The following COL11A1 variants were observed in gnomAD, a reference collection of about 807,000 sequenced individuals.
The protein encoded by COL11A1 is collagen alpha-1(XI) chain.
COL11A1 carries 74 observed loss-of-function variants against 265.2 expected under a neutral mutation model. That is an observed-to-expected ratio of 0.28 (90% CI 0.23 to 0.34). The LOEUF (loss-of-function observed/expected upper bound fraction) is 0.34. Ranked by LOEUF, COL11A1 falls within the 10% of genes least tolerant of loss-of-function variation. COL11A1 has a pLI of 1.00. For missense variants in COL11A1, 2,165 were observed against 2,263.6 expected (o/e 0.96, Z 0.88); for synonymous variants, 816 against 727.6 (o/e 1.12, Z -1.96).
At position 102,974,872 on chromosome 1, in the gene COL11A1, T is replaced by C. The variant is rs139911745; in HGVS notation, c.2766A>G (p.Gly922=). The change falls in exon 36 of 67, where the codon GGA becomes GGG. Residue 922 remains glycine, a synonymous_variant. Coordinates refer to ENST00000370096, the MANE Select transcript of COL11A1 (RefSeq NM_001854.4). ...CAGGGAATCCAACTGGACCCTGAGG[T>C]CCTTGAGGACCCTGGAAATAAAAAG... ...PGPPGERGPQ[G]PQGPVGFPGP... The C allele has an allele frequency of 4.7e-4, 753 of 1,612,970 alleles. 5 individuals carry two copies. In the African/African-American group the frequency reaches 8.5e-3, roughly 18 times the overall value.
In COL11A1 at chr1:102,940,354, G is replaced by A. The variant is rs375400337; in HGVS notation, c.3357C>T (p.Ala1119=). 30 of 1,613,672 alleles carry A rather than the reference G, an allele frequency of 1.9e-5. No homozygotes were observed. The East Asian group carries it at 2.0e-4, about 11-fold the overall frequency. Reference sequence around the variant, plus strand: ...TGTCTCCGTCTTCCCCAGGGGAGCCGGCAGGACCAGCTGGCCCTGGGAGAC... The same window carrying A: ...TGTCTCCGTCTTCCCCAGGGGAGCCAGCAGGACCAGCTGGCCCTGGGAGAC... ...PVGLPGPAGP[A]GSPGEDGDKG... Residue 1119 remains alanine, a synonymous_variant, in exon 43 of 67, where the codon GCC becomes GCT. Coordinates refer to ENST00000370096, the MANE Select transcript of COL11A1 (RefSeq NM_001854.4).
intron 1 of COL11A1, 89 bp downstream of exon 1, chr1:103,107,984 G>T: frequency 5.7e-6 from 5 of 874,402 alleles, no homozygotes; most frequent in Admixed American, 1.9e-5. Flanking sequence ...TTCTTGAAGA[G>T]CGGGGAGGAA....
At chr1:103,076,704 A>G (rs12740738) in intron 3 of COL11A1, among the ~76,000 whole-genome samples, 72,326 of 151,956 alleles carry the variant, frequency 0.48, 20,257 homozygotes, top group East Asian at 0.91. Context: ...AAACTGTCCT[A>G]TCTAAAATAG....
At chr1:103,057,308 T>C (rs1321476204) in intron 4 of COL11A1, among the ~76,000 whole-genome samples, 1 of 152,198 alleles carries the variant, frequency 6.6e-6, no homozygotes, top group Non-Finnish European at 1.5e-5. Context: ...GTTCAAGTTT[T>C]ATCATGAGGT....
At chr1:102,942,741 T>C (rs1466538358) in intron 42 of COL11A1, among the ~76,000 whole-genome samples, 1 of 152,102 alleles carries the variant, frequency 6.6e-6, no homozygotes, top group Admixed American at 6.6e-5. Context: ...ATTCTCAGTT[T>C]ATTATTTCAT....
intron 4 of COL11A1, among the ~76,000 whole-genome samples, chr1:103,037,199 T>A (rs1342413082): frequency 6.6e-6 from 1 of 151,092 alleles, no homozygotes; most frequent in Non-Finnish European, 1.5e-5. Flanking sequence ...TTCTGTGCTA[T>A]GAATGTAATT....
intron 37 of COL11A1, among the ~76,000 whole-genome samples, chr1:102,969,350 CCCTA>C (rs953857738): frequency 6.6e-5 from 10 of 152,088 alleles, no homozygotes; most frequent in African/African-American, 2.4e-4. Context: ...TCAGGGTGCC[CCCTA>C]CCCTAACATG....
chr1:103,108,087 C>G lies in COL11A1; in HGVS notation c.92G>C (p.Arg31Thr), dbSNP rs1166096502. The G allele has an allele frequency of 6.2e-7, 1 of 1,613,762 alleles. No individual in the cohort carries two copies. Among genetic ancestry groups the G allele is most frequent in the African/African-American group, 1.3e-5 (1 of 74,904 alleles). Residue 31 changes from arginine (R) to threonine (T), a missense_variant, in exon 1 of 67, where the codon AGA (arginine) becomes ACA (threonine). Arg to Thr is a moderately conservative substitution (Grantham distance 71). Transcript: ENST00000370096. ...TTTTTTCTTACCTCCTCTGACCTCT[C>G]TAGCTTGGAAGAGGAAGGTCAATGC... Reference protein sequence around the residue: ...TLALTFLFQAREVRGAAPVDV... With the variant: ...TLALTFLFQATEVRGAAPVDV...
chr1:102,963,204 T>C (rs566459950), intron 38 of COL11A1, among the ~76,000 whole-genome samples: 10 of 152,228 alleles, frequency 6.6e-5, no homozygotes, highest in Middle Eastern at 3.4e-3. Context: ...CTTAGGGCCA[T>C]GAGAACCCAA....
intron 63 of COL11A1, 82 bp from the exon 64 acceptor site, chr1:102,883,393 A>G: frequency 1.1e-6 from 1 of 895,526 alleles, no homozygotes; most frequent in South Asian, 1.3e-5. Flanking sequence ...TTTGTTAGAA[A>G]GAGAAATAAG....
At position 103,014,504 on chromosome 1, in the gene COL11A1, G is replaced by A; in HGVS notation, c.1572+7C>T. ...TCTTGTGGGAATGCAAGTTTATCCT[G>A]TCTTACCCGAGCCTGCTGAAGAATA... On this transcript the variant is annotated splice_region_variant and intron_variant, in intron 13 of 66. Coordinates refer to ENST00000370096, the MANE Select transcript of COL11A1 (RefSeq NM_001854.4). The A allele has an allele frequency of 1.2e-6, 2 of 1,613,088 alleles. No individual in the cohort carries two copies. Among genetic ancestry groups the A allele is most frequent in the Non-Finnish European group, 1.7e-6 (2 of 1,179,214 alleles).
At chr1:103,022,102 C>T (rs554953163) in intron 8 of COL11A1, among the ~76,000 whole-genome samples, 3 of 151,622 alleles carry the variant, frequency 2.0e-5, no homozygotes, top group South Asian at 2.1e-4. Flanking sequence ...GTAATCCGCC[C>T]GCCTCTGCCT....
chr1:103,000,009 T>C (rs1055763275), intron 24 of COL11A1, among the ~76,000 whole-genome samples: 1 of 151,858 alleles, frequency 6.6e-6, no homozygotes, highest in African/African-American at 2.4e-5. Flanking sequence ...GCAGAAGCAG[T>C]ATTACATAAA....
intron 4 of COL11A1, among the ~76,000 whole-genome samples, chr1:103,054,032 AG>A (rs1670037274): frequency 6.6e-6 from 1 of 152,130 alleles, no homozygotes; most frequent in South Asian, 2.1e-4. Flanking sequence ...GTATCCCCTG[AG>A]ATTTTCACAC....
Position 102,923,418 on chromosome 1 carries a change from A to G in COL11A1, c.3601-29T>C, listed in dbSNP as rs768472326. 21 of 1,545,538 alleles carry G rather than the reference A, an allele frequency of 1.4e-5. No homozygotes were observed. The South Asian group carries it at 2.4e-4, about 17-fold the overall frequency. ...AGAAAATATAATAGAAAAATAATAA[A>G]AGTCACTGATGTCTTTAAAAAAAAA... On this transcript the variant is annotated intron_variant, in intron 46 of 66. Coordinates refer to ENST00000370096, the MANE Select transcript of COL11A1 (RefSeq NM_001854.4).
chr1:102,930,079 T>A (rs1433541540), intron 46 of COL11A1, among the ~76,000 whole-genome samples: 1 of 152,164 alleles, frequency 6.6e-6, no homozygotes, highest in Admixed American at 6.5e-5. Context: ...TGAATACCCT[T>A]TATTTCCTTC....
chr1:103,083,263 T>A (rs567408896), intron 1 of COL11A1, among the ~76,000 whole-genome samples: 10 of 146,288 alleles, frequency 6.8e-5, no homozygotes, highest in African/African-American at 2.5e-4. Context: ...TGTGTGTGTG[T>A]GTGCGTGTGT....
intron 8 of COL11A1, 105 bp from the exon 9 acceptor site, chr1:103,021,874 G>T: frequency 2.3e-6 from 2 of 868,480 alleles, no homozygotes; most frequent in Non-Finnish European, 3.7e-6. Context: ...TGAAGACGGA[G>T]TCTCCCTCTG....
intron 65 of COL11A1, among the ~76,000 whole-genome samples, chr1:102,880,199 A>T (rs1283402201): frequency 6.6e-6 from 1 of 152,170 alleles, no homozygotes; most frequent in East Asian, 1.9e-4. Context: ...ACTATAAAAA[A>T]TGCTTTAGTT....
Sources: gnomAD v4.1 joint callset for allele counts (sites outside exome capture counted in the v4.1 genomes callset) on GRCh38, gnomAD v4.1.1 for gene constraint, MANE v1.5 for transcripts, NCBI Gene and HGNC (gene_info 2026-07-23, HGNC 2026-07-21) for gene names.